PIGN: variants seen among roughly 807,000 people sequenced by gnomAD.
The protein encoded by PIGN is GPI ethanolamine phosphate transferase 1.
Under a neutral mutation model 125.4 loss-of-function variants are expected in PIGN, and 117 were observed. That is an observed-to-expected ratio of 0.93 (90% CI 0.80 to 1.09). The LOEUF is 1.09. Among genes scored for constraint, PIGN ranks in the 50% least tolerant of loss-of-function variants. PIGN has a pLI of 0.00. For missense variants in PIGN, 1,075 were observed against 1,094.9 expected (o/e 0.98, Z 0.26); for synonymous variants, 392 against 377.8 (o/e 1.04, Z -0.44).
chr18:62,183,967 CTAAA>C (rs1185003041), intron 1 of PIGN, among the ~76,000 whole-genome samples: 11 of 151,976 alleles, frequency 7.2e-5, no homozygotes, highest in African/African-American at 2.7e-4. Context: ...TTGCTTAATA[CTAAA>C]TATTACTTAA....
In PIGN at chr18:62,043,412, T is replaced by C. The variant is rs1226044784; in HGVS notation, c.*2444A>G. 1 of 152,064 alleles carries C rather than the reference T, an allele frequency of 6.6e-6. No individual in the cohort carries two copies. Among genetic ancestry groups the C allele is most frequent in the African/African-American group, 2.4e-5 (1 of 41,392 alleles). 9.4% of individuals were successfully genotyped at this position (152,064 alleles called of 1,614,324 possible). On this transcript the variant is annotated 3_prime_UTR_variant, in exon 31 of 31. Transcript: ENST00000640252. Reference sequence around the variant, plus strand: ...AGCCCCTAGTCCACCAAAACAAGTGTAAAAAGGTCGCAGGAGGGGAGGAGG... The same window carrying C: ...AGCCCCTAGTCCACCAAAACAAGTGCAAAAAGGTCGCAGGAGGGGAGGAGG...
chr18:62,036,914 CT>C (rs1292217342), downstream of PIGN, among the ~76,000 whole-genome samples: 1 of 152,176 alleles, frequency 6.6e-6, no homozygotes, highest in Non-Finnish European at 1.5e-5. Context: ...TAAATATGAT[CT>C]GCCAGTTTCA....
intron 30 of PIGN, among the ~76,000 whole-genome samples, chr18:62,059,506 G>C (rs998143022): frequency 6.6e-6 from 1 of 151,952 alleles, no homozygotes; most frequent in Non-Finnish European, 1.5e-5. Context: ...CAATATAGAT[G>C]AATGCCAAAA....
intron 20 of PIGN, chr18:62,105,133 A>G (rs1276675531): frequency 6.6e-6 from 1 of 152,594 alleles, no homozygotes; most frequent in African/African-American, 2.4e-5. Context: ...TAATTTTTAC[A>G]TGACATTTTA....
In PIGN at chr18:62,043,305, C is replaced by T. The variant is rs1372487669; in HGVS notation, c.*2551G>A. The T allele has an allele frequency of 1.3e-5, 2 of 152,164 alleles. No individual in the cohort carries two copies. The highest frequency in any genetic ancestry group is 4.8e-5 in the African/African-American group (2 of 41,438). 9.4% of individuals were successfully genotyped at this position (152,164 alleles called of 1,614,324 possible). ...GTCCTAGAGACCATACCCACGCAATCTCCTTCATTCCCTCTAGGCCAGCTT... is the reference window on the plus strand; with the variant it reads ...GTCCTAGAGACCATACCCACGCAATTTCCTTCATTCCCTCTAGGCCAGCTT... On this transcript the variant is annotated 3_prime_UTR_variant, in exon 31 of 31. Transcript: ENST00000640252.
rs2030363403 is a variant in PIGN at position 62,041,333 on chromosome 18, T to C, written c.*4523A>G. The C allele has an allele frequency of 6.6e-6, 1 of 152,108 alleles. No homozygotes were observed. The highest frequency in any genetic ancestry group is 1.5e-5 in the Non-Finnish European group (1 of 68,026). 9.4% of individuals were successfully genotyped at this position (152,108 alleles called of 1,614,324 possible). ...ACTAAATGATGACAGGTGTAATATATACAGAGGCAGGAAAAATTGCAGGAA... is the reference window on the plus strand; with the variant it reads ...ACTAAATGATGACAGGTGTAATATACACAGAGGCAGGAAAAATTGCAGGAA... On this transcript the variant is annotated 3_prime_UTR_variant, in exon 31 of 31. Transcript: ENST00000640252.
chr18:62,029,344 G>A (rs1388658548), intron 23 of PIGN, among the ~76,000 whole-genome samples: 1 of 152,136 alleles, frequency 6.6e-6, no homozygotes, highest in Non-Finnish European at 1.5e-5. Context: ...AGAAGCACCT[G>A]ATTGTAAGGT....
intron 30 of PIGN, among the ~76,000 whole-genome samples, chr18:62,064,856 GGGAGA>G (rs758142333): frequency 2.8e-4 from 42 of 152,230 alleles, no homozygotes; most frequent in Admixed American, 1.4e-3. Context: ...TGATCCCAGA[GGGAGA>G]GGAGAGAAGA....
At chr18:62,143,241 T>C in intron 11 of PIGN, 65 bp downstream of exon 11, 1 of 817,158 alleles carries the variant, frequency 1.2e-6, no homozygotes, top group Non-Finnish European at 2.0e-6. Context: ...TTTTTCATAG[T>C]TTTTGTCTAA....
intron 23 of PIGN, among the ~76,000 whole-genome samples, chr18:62,033,529 C>T (rs1277208222): frequency 3.3e-5 from 5 of 152,182 alleles, no homozygotes; most frequent in South Asian, 2.1e-4. Context: ...TCATTAAGCA[C>T]GAATGCCTAC....
At chr18:62,080,147 T>G (rs2033377757) in intron 28 of PIGN, among the ~76,000 whole-genome samples, 1 of 152,194 alleles carries the variant, frequency 6.6e-6, no homozygotes, top group Non-Finnish European at 1.5e-5. Context: ...GTTTTTGTGT[T>G]TTTTTTCCCC....
chr18:62,029,597 A>G (rs1395560476), intron 23 of PIGN, among the ~76,000 whole-genome samples: 1 of 152,206 alleles, frequency 6.6e-6, no homozygotes, highest in Admixed American at 6.5e-5. Context: ...GGTGACTGCT[A>G]TGCTCCAGGA....
At chr18:62,053,295 G>A (rs12608329) in intron 30 of PIGN, among the ~76,000 whole-genome samples, 45,835 of 151,836 alleles carry the variant, frequency 0.3, 8,073 homozygotes, top group East Asian at 0.58. Flanking sequence ...CATTTAAAAA[G>A]CCATACAAAG....
At chr18:62,144,350 G>C (rs2036242825) in intron 10 of PIGN, among the ~76,000 whole-genome samples, 1 of 152,148 alleles carries the variant, frequency 6.6e-6, no homozygotes, top group African/African-American at 2.4e-5. Context: ...TGCTCTAACA[G>C]GCTTTAATGA....
intron 28 of PIGN, among the ~76,000 whole-genome samples, chr18:62,079,765 T>G (rs1247338902): frequency 6.7e-6 from 1 of 149,406 alleles, no homozygotes; most frequent in Non-Finnish European, 1.5e-5. Flanking sequence ...GACTTTAAGA[T>G]AAAAACAAAT....
chr18:62,148,624 A>G (rs1324004251), intron 7 of PIGN, among the ~76,000 whole-genome samples: 1 of 152,198 alleles, frequency 6.6e-6, no homozygotes, highest in Non-Finnish European at 1.5e-5. Context: ...CCCACATCTA[A>G]CTTAATAAAA....
chr18:62,033,422 T>G (rs1001867291), intron 23 of PIGN, among the ~76,000 whole-genome samples: 1 of 152,240 alleles, frequency 6.6e-6, no homozygotes, highest in Non-Finnish European at 1.5e-5. Flanking sequence ...TGAGTTAACC[T>G]GAATCTTAGT....
At chr18:62,175,057 A>T (rs994717002) in intron 1 of PIGN, among the ~76,000 whole-genome samples, 4 of 127,314 alleles carry the variant, frequency 3.1e-5, no homozygotes, top group African/African-American at 5.5e-5. Flanking sequence ...ATATATTTTT[A>T]TATATAATAA....
intron 23 of PIGN, among the ~76,000 whole-genome samples, chr18:62,094,631 T>C (rs1259831156): frequency 6.6e-6 from 1 of 152,236 alleles, no homozygotes; most frequent in Non-Finnish European, 1.5e-5. Flanking sequence ...TTTTAAGCTT[T>C]CATGATGTTC....
Sources: gnomAD v4.1 joint callset for allele counts (sites outside exome capture counted in the v4.1 genomes callset) on GRCh38, gnomAD v4.1.1 for gene constraint, MANE v1.5 for transcripts, NCBI Gene and HGNC (gene_info 2026-07-23, HGNC 2026-07-21) for gene names.